Variants in TUSC3 observed in about 807,000 individuals in gnomAD.
TUSC3 encodes tumor suppressor candidate 3.
In TUSC3, 45 loss-of-function variants were observed where a neutral mutation model predicts 44.8. That is an observed-to-expected ratio of 1.00 (90% confidence interval 0.79 to 1.29). The LOEUF is 1.29. Ranked by LOEUF, TUSC3 falls within the 50% of genes most tolerant of loss-of-function variation. The pLI is 0.00. For synonymous variants in TUSC3, 212 were observed against 152.9 expected (o/e 1.39, Z -2.85); for missense variants, 519 against 437.9 (o/e 1.19, Z -1.65).
the TUSC3 span, among the ~76,000 whole-genome samples, chr8:15,773,787 C>G: frequency 1.3e-5 from 2 of 152,114 alleles, no homozygotes; most frequent in African/African-American, 4.8e-5. Context: ...AAAACATACC[C>G]ATAACCTCTC....
At chr8:15,719,574 T>G (rs1166423985) in intron 6 of TUSC3, among the ~76,000 whole-genome samples, 1 of 151,502 alleles carries the variant, frequency 6.6e-6, no homozygotes, top group East Asian at 1.9e-4. Flanking sequence ...AGATCATTGC[T>G]TTGTTCACTA....
the TUSC3 span, chr8:15,806,856 T>C: frequency 7.6e-6 from 8 of 1,057,164 alleles, no homozygotes; most frequent in South Asian, 1.3e-5. Context: ...AGAGTCTTCA[T>C]AGTTAATGAA....
In TUSC3 at chr8:15,650,802, C is replaced by A. The variant is rs201005108; in HGVS notation, c.414C>A (p.Asp138Glu). 19 of 1,613,712 alleles carry A rather than the reference C, an allele frequency of 1.2e-5. No individual in the cohort carries two copies. The highest frequency in any genetic ancestry group is 4.0e-5 in the African/African-American group (3 of 75,014). Residue 138 changes from aspartate (D) to glutamate (E), a missense_variant, in exon 3 of 11, where the codon GAC becomes GAA. By Grantham distance (45) the Asp-to-Glu change is conservative. Coordinates refer to ENST00000503731, the MANE Select transcript of TUSC3 (RefSeq NM_006765.4). ...FSMVDYDEGT[D>E]VFQQLNMNSA... ...TGGTGGACTATGATGAGGGGACAGA[C>A]GTTTTTCAGCAGGTAAAGAGTTATA...
intron 6 of TUSC3, among the ~76,000 whole-genome samples, chr8:15,679,944 A>G (rs948444521): frequency 2.0e-5 from 3 of 152,010 alleles, no homozygotes; most frequent in Non-Finnish European, 4.4e-5. Context: ...ATTGGTCTGC[A>G]TGTCTATTTT....
chr8:15,801,849 T>C, the TUSC3 span, among the ~76,000 whole-genome samples: 3 of 152,146 alleles, frequency 2.0e-5, no homozygotes. Context: ...AGAAATTGAA[T>C]CAACAAGGAT....
At chr8:15,432,482 T>G (rs921009214) in intron 1 of TUSC3, among the ~76,000 whole-genome samples, 3 of 152,206 alleles carry the variant, frequency 2.0e-5, no homozygotes, top group Non-Finnish European at 4.4e-5. Context: ...TGTCATAATT[T>G]CAGCATTCTC....
intron 6 of TUSC3, among the ~76,000 whole-genome samples, chr8:15,712,319 A>G (rs868007993): frequency 2.6e-5 from 4 of 151,856 alleles, no homozygotes; most frequent in South Asian, 2.1e-4. Context: ...TTGTATTATC[A>G]TTTTTCTGTT....
At chr8:15,471,957 AT>A (rs548764000) in intron 1 of TUSC3, among the ~76,000 whole-genome samples, 8 of 152,160 alleles carry the variant, frequency 5.3e-5, no homozygotes, top group Non-Finnish European at 7.3e-5. Flanking sequence ...GAATAACATA[AT>A]TGATGAATTT....
At chr8:15,815,340 A>G in the TUSC3 span, among the ~76,000 whole-genome samples, 1 of 152,142 alleles carries the variant, frequency 6.6e-6, no homozygotes, top group African/African-American at 2.4e-5. Flanking sequence ...GAAAGATAGT[A>G]GGAAATCAGC....
intron 10 of TUSC3, among the ~76,000 whole-genome samples, chr8:15,763,229 G>A (rs1040506063): frequency 1.3e-5 from 2 of 151,660 alleles, no homozygotes; most frequent in Admixed American, 1.3e-4. Flanking sequence ...ATATTAGCAC[G>A]AAAAGAACTT....
intron 1 of TUSC3, among the ~76,000 whole-genome samples, chr8:15,583,947 G>A (rs1330175206): frequency 6.6e-6 from 1 of 152,174 alleles, no homozygotes; most frequent in African/African-American, 2.4e-5. Flanking sequence ...GTAAGCAGAT[G>A]TGCTGAATTA....
At chr8:15,633,757 T>C (rs1805931699) in intron 2 of TUSC3, among the ~76,000 whole-genome samples, 1 of 152,106 alleles carries the variant, frequency 6.6e-6, no homozygotes, top group Admixed American at 6.5e-5. Context: ...TCCCCTTCAG[T>C]TTTAAGAGGG....
chr8:15,639,220 A>G (rs767426714), intron 2 of TUSC3, among the ~76,000 whole-genome samples: 4 of 151,314 alleles, frequency 2.6e-5, no homozygotes, highest in East Asian at 2.0e-4. Flanking sequence ...TGTTGATGCT[A>G]GATCACGTGA....
intron 6 of TUSC3, among the ~76,000 whole-genome samples, chr8:15,712,628 C>T (rs1168829113): frequency 3.3e-5 from 5 of 151,996 alleles, no homozygotes; most frequent in Admixed American, 6.6e-5. Flanking sequence ...TCTTTTCAAC[C>T]GTCTATCTTC....
At chr8:15,479,808 A>G (rs1198265370) in intron 1 of TUSC3, among the ~76,000 whole-genome samples, 1 of 152,190 alleles carries the variant, frequency 6.6e-6, no homozygotes, top group Admixed American at 6.5e-5. Context: ...CAGGCCTATC[A>G]TGCAAGAGAA....
intron 1 of TUSC3, among the ~76,000 whole-genome samples, chr8:15,562,330 G>A (rs1002966961): frequency 2.6e-5 from 4 of 152,046 alleles, no homozygotes; most frequent in African/African-American, 4.8e-5. Context: ...TAATAAAACC[G>A]CTTCGCAATT....
intron 2 of TUSC3, among the ~76,000 whole-genome samples, chr8:15,495,468 G>A (rs916627224): frequency 6.6e-6 from 1 of 152,124 alleles, no homozygotes; most frequent in African/African-American, 2.4e-5. Context: ...CCTCCAGCAG[G>A]ACTCCATTTA....
At chr8:15,715,891 T>C (rs113069884) in intron 6 of TUSC3, among the ~76,000 whole-genome samples, 3 of 152,092 alleles carry the variant, frequency 2.0e-5, no homozygotes, top group Admixed American at 6.6e-5. Context: ...TATTGAGGTA[T>C]GATTTATATA....
chr8:15,822,856 C>T, the TUSC3 span, among the ~76,000 whole-genome samples: 11 of 152,220 alleles, frequency 7.2e-5, no homozygotes, highest in East Asian at 9.7e-4. Context: ...TAGTGACCTT[C>T]GCAGTATCAG....
Sources: allele counts gnomAD v4.1 joint callset (sites outside exome capture counted in the v4.1 genomes callset), GRCh38; gene constraint gnomAD v4.1.1; transcripts MANE v1.5; gene names NCBI Gene and HGNC (gene_info 2026-07-23, HGNC 2026-07-21).